Variants in SCML2 observed in about 807,000 individuals in gnomAD.
The protein encoded by SCML2 is sex comb on midleg-like protein 2.
Under a neutral mutation model 48.4 loss-of-function variants are expected in SCML2, and 6 were observed. The ratio of observed to expected loss-of-function variants is 0.12; its 90% CI spans 0.07 to 0.24. The LOEUF is 0.24. SCML2 is among the 10% of genes least tolerant of loss of function. The pLI is 1.00. For synonymous variants in SCML2, 181 were observed against 189.5 expected (o/e 0.95, Z 0.37); for missense variants, 377 against 528.2 (o/e 0.71, Z 2.81).
intron 2 of SCML2, among the ~76,000 whole-genome samples, chrX:18,332,971 TA>T (rs928400229): frequency 9.1e-6 from 1 of 109,795 alleles, no homozygotes; most frequent in Non-Finnish European, 1.9e-5. Flanking sequence ...TTCATCTCTG[TA>T]AAAAAATATT....
chrX:18,262,021 T>C (rs1261583210), intron 8 of SCML2, among the ~76,000 whole-genome samples: 1 of 109,379 alleles, frequency 9.1e-6, no homozygotes, highest in Non-Finnish European at 1.9e-5. Context: ...ACAGTATCAA[T>C]ATATTTTAAA....
At chrX:18,345,046 T>C (rs1930156047) in intron 1 of SCML2, among the ~76,000 whole-genome samples, 1 of 111,631 alleles carries the variant, frequency 9.0e-6, no homozygotes, top group South Asian at 3.8e-4. Context: ...GCATAGTAGA[T>C]ACTGTTATTA....
At chrX:18,336,668 C>T (rs1238486188) in intron 1 of SCML2, among the ~76,000 whole-genome samples, 1 of 109,738 alleles carries the variant, frequency 9.1e-6, no homozygotes, top group Non-Finnish European at 1.9e-5. Flanking sequence ...ACCCGGGAGG[C>T]GGAGTTTGCA....
chrX:18,345,833 AGCACACCCCCT>A (rs1205715491), intron 1 of SCML2, among the ~76,000 whole-genome samples: 1 of 109,828 alleles, frequency 9.1e-6, no homozygotes, highest in Non-Finnish European at 1.9e-5. Flanking sequence ...GTCCTGCCTC[AGCACACCCCCT>A]GCACACCCCC....
chrX:18,324,310 T>C (rs1342491084), intron 4 of SCML2, among the ~76,000 whole-genome samples: 1 of 111,434 alleles, frequency 9.0e-6, no homozygotes, highest in Non-Finnish European at 1.9e-5. Context: ...TTCTCACTCA[T>C]CTGCCCACTT....
At chrX:18,304,880 C>T in intron 7 of SCML2, 92 bp downstream of exon 7, 1 of 1,041,079 alleles carries the variant, frequency 9.6e-7, no homozygotes, top group East Asian at 3.0e-5. Context: ...CATGTACCAC[C>T]TGGTACCACC....
chrX:18,265,761 A>G lies in SCML2; in HGVS notation c.772T>C (p.Ser258Pro). ...TGCATTGAATGCTGGCTTGCTTCGGAAGGAGAAGACTCTGTTTTTGCTATA... is the reference window on the plus strand; with the variant it reads ...TGCATTGAATGCTGGCTTGCTTCGGGAGGAGAAGACTCTGTTTTTGCTATA... ...KNIAKTESSP[S>P]EASQHSMQSP... Residue 258 changes from serine (S) to proline (P), a missense_variant, in exon 8 of 15, where the codon TCC (serine) becomes CCC (proline). By Grantham distance (74) the Ser-to-Pro change is moderately conservative. Around this residue, in one of 3 missense-constraint regions of SCML2, gnomAD observed 299 missense variants for 425.5 expected, o/e 0.70. Coordinates refer to ENST00000251900, the MANE Select transcript of SCML2 (RefSeq NM_006089.3). 2 of 1,210,069 alleles carry G rather than the reference A, an allele frequency of 1.7e-6. No homozygotes were observed. Among genetic ancestry groups the G allele is most frequent in the Non-Finnish European group, 2.2e-6 (2 of 894,291 alleles).
At chrX:18,331,231 G>C (rs967034136) in intron 2 of SCML2, among the ~76,000 whole-genome samples, 1 of 81,750 alleles carries the variant, frequency 1.2e-5, no homozygotes, top group African/African-American at 4.8e-5. Context: ...TTGCACTCCA[G>C]CCTGGGTGAC....
At chrX:18,288,277 T>C (rs1389289969) in intron 7 of SCML2, among the ~76,000 whole-genome samples, 2 of 111,491 alleles carry the variant, frequency 1.8e-5, no homozygotes, top group African/African-American at 6.5e-5. Context: ...GTTATTCACA[T>C]TTTTGTATCA....
At chrX:18,304,079 G>A (rs1364537697) in intron 7 of SCML2, among the ~76,000 whole-genome samples, 2 of 110,792 alleles carry the variant, frequency 1.8e-5, no homozygotes, top group Non-Finnish European at 3.8e-5. Context: ...TGTTCTCGTT[G>A]CCCAGGCAGG....
intron 6 of SCML2, among the ~76,000 whole-genome samples, chrX:18,311,298 G>C (rs1412365500): frequency 1.8e-5 from 2 of 111,796 alleles, no homozygotes; most frequent in Non-Finnish European, 3.8e-5. Flanking sequence ...AAGCAAAAAA[G>C]ACAAAATCCC....
chrX:18,254,508 T>C (rs956738706), intron 11 of SCML2, among the ~76,000 whole-genome samples: 4 of 112,790 alleles, frequency 3.5e-5, no homozygotes, highest in Non-Finnish European at 7.5e-5. Flanking sequence ...TTCTGATTAT[T>C]TGATTAATCT....
At chrX:18,345,577 T>A (rs1318119710) in intron 1 of SCML2, among the ~76,000 whole-genome samples, 1 of 110,504 alleles carries the variant, frequency 9.0e-6, no homozygotes, top group African/African-American at 3.3e-5. Flanking sequence ...TTTTTTGTAG[T>A]GACAGAGTTT....
chrX:18,273,817 C>T (rs1397920585), intron 7 of SCML2, among the ~76,000 whole-genome samples: 3 of 110,368 alleles, frequency 2.7e-5, no homozygotes, highest in African/African-American at 9.9e-5. Context: ...CCAGTCTCAG[C>T]TGGCAGAGTG....
chrX:18,256,879 G>A lies in SCML2; in HGVS notation c.1425C>T (p.His475=), dbSNP rs138157761. ...GATTTTTATCATGCTCTGCAGAGCT[G>A]TGAGTATGACCCCTGGAAGAACTAA... ...QPFSSSRGHT[H]SSAEHDKNQS... Residue 475 remains histidine, a synonymous_variant, in exon 11 of 15, where the codon CAC becomes CAT. Transcript: ENST00000251900. 2.5e-6 allele frequency: 3 copies of A among 1,201,148 alleles called. No homozygotes were observed. Among genetic ancestry groups the A allele is most frequent in the African/African-American group, 1.8e-5 (1 of 56,733 alleles).
intron 7 of SCML2, among the ~76,000 whole-genome samples, chrX:18,268,674 G>A (rs1339138480): frequency 2.7e-5 from 3 of 109,615 alleles, no homozygotes; most frequent in South Asian, 4.1e-4. Context: ...GCTAGATGAC[G>A]AGTTAGTGGG....
intron 1 of SCML2, chrX:18,341,234 A>G: frequency 1.5e-6 from 1 of 680,606 alleles, no homozygotes; most frequent in Non-Finnish European, 2.1e-6. Context: ...CAAACCAGAC[A>G]TAGGGGAAAT....
intron 7 of SCML2, among the ~76,000 whole-genome samples, chrX:18,277,129 G>A (rs1442604043): frequency 9.0e-6 from 1 of 111,656 alleles, no homozygotes; most frequent in African/African-American, 3.3e-5. Context: ...GGAGTGCAGT[G>A]GTGTGATCAT....
chrX:18,257,492 T>G (rs1926891467), intron 10 of SCML2, among the ~76,000 whole-genome samples: 1 of 112,093 alleles, frequency 8.9e-6, no homozygotes, highest in South Asian at 3.7e-4. Context: ...CCAATTTACA[T>G]TATTCTGACA....
Sources: allele counts gnomAD v4.1 joint callset (sites outside exome capture counted in the v4.1 genomes callset), GRCh38; gene constraint gnomAD v4.1.1; regional missense constraint gnomAD v4.1.1; transcripts MANE v1.5; gene names NCBI Gene and HGNC (gene_info 2026-07-23, HGNC 2026-07-21).